RHPN2: variants seen among roughly 807,000 people sequenced by gnomAD.
RHPN2 encodes the protein rhophilin-2.
A neutral mutation model predicts 79.0 loss-of-function variants in RHPN2; 40 were observed. The ratio of observed to expected loss-of-function variants is 0.51; its 90% CI spans 0.39 to 0.66. RHPN2 has a LOEUF of 0.66. Ranked by LOEUF, RHPN2 falls within the 30% of genes least tolerant of loss-of-function variation. The pLI is 0.00. For synonymous variants in RHPN2, 285 were observed against 363.5 expected, an observed-to-expected ratio of 0.78 and a Z score of 2.46; for missense variants, 686 against 883.5, an observed-to-expected ratio of 0.78 and a Z score of 2.83.
In RHPN2 at chr19:32,999,691, C is replaced by A; in HGVS notation, c.1120G>T (p.Asp374Tyr). 2 of 1,612,578 alleles carry A rather than the reference C, an allele frequency of 1.2e-6. No homozygotes were observed. Among genetic ancestry groups the A allele is most frequent in the South Asian group, 2.2e-5 (2 of 90,934 alleles). ...AGGCACTTCTCCTGGTGGTCCAGATCCGTGCCTGGCTTCACTGCAAAGAGA... is the reference window on the plus strand; with the variant it reads ...AGGCACTTCTCCTGGTGGTCCAGATACGTGCCTGGCTTCACTGCAAAGAGA... ...LIDHQVKPGT[D>Y]LDHQEKCLSQ... The change falls in exon 10 of 15, where the codon GAT (aspartate) becomes TAT (tyrosine). Residue 374 changes from aspartate (D) to tyrosine (Y), a missense_variant. Physicochemically the swap from Asp to Tyr is radical, Grantham distance 160 (BLOSUM62 -3). Transcript: ENST00000254260.
intron 4 of RHPN2, among the ~76,000 whole-genome samples, chr19:33,020,598 C>T (rs879049792): frequency 1.3e-5 from 2 of 151,600 alleles, no homozygotes; most frequent in African/African-American, 4.8e-5. Flanking sequence ...CTTCCAGGTT[C>T]GAACGACTCA....
rs1463240739 is a variant in RHPN2, at chr19:32,991,647, TAA to T, written c.1644+174_1644+175del. On this transcript the variant is annotated intron_variant, in intron 13 of 14. Coordinates refer to ENST00000254260, the MANE Select transcript of RHPN2 (RefSeq NM_033103.5). ...CCACCTCCCAAAGTCTAAAAAAAAC[TAA>T]AAACATAAAACAAACAAAAGAAAGA... Among the ~76,000 whole-genome samples the T allele has an allele frequency of 2.0e-5, 3 of 151,642 alleles. No individual in the cohort carries two copies. The East Asian group carries it at 5.9e-4, about 30-fold the overall frequency.
At chr19:33,038,800 G>A (rs1434946108) in intron 2 of RHPN2, among the ~76,000 whole-genome samples, 1 of 152,178 alleles carries the variant, frequency 6.6e-6, no homozygotes, top group Non-Finnish European at 1.5e-5. Context: ...TGGGATTACA[G>A]ATGTGTGCCA....
chr19:33,026,450 G>T, intron 3 of RHPN2, 54 bp downstream of exon 3: 1 of 1,595,840 alleles, frequency 6.3e-7, no homozygotes, highest in Non-Finnish European at 8.5e-7. Context: ...CACCCTGGAT[G>T]TACGAAGGAT....
intron 7 of RHPN2, among the ~76,000 whole-genome samples, chr19:33,007,740 A>G (rs910667965): frequency 6.8e-6 from 1 of 146,352 alleles, no homozygotes; most frequent in Admixed American, 6.9e-5. Context: ...GGTCTGAACC[A>G]CCGAGCAAGT....
rs538856155 is a variant in RHPN2 at position 33,050,023 on chromosome 19, G to T, written c.70-5659C>A. Reference sequence around the variant, plus strand: ...CTCATAGCCCATGATGGCCTGGTGGGGGGCAGGGGTGTGTGTGTAAATCCA... The same window carrying T: ...CTCATAGCCCATGATGGCCTGGTGGTGGGCAGGGGTGTGTGTGTAAATCCA... On this transcript the variant is annotated intron_variant, in intron 1 of 14. Transcript: ENST00000254260. 2.6e-5 allele frequency among the ~76,000 whole-genome samples: 4 copies of T among 152,280 alleles called. No individual in the cohort carries two copies. In the South Asian group the frequency reaches 6.2e-4, roughly 24 times the overall value.
intron 1 of RHPN2, among the ~76,000 whole-genome samples, chr19:33,057,695 G>A (rs888755698): frequency 7.1e-6 from 1 of 141,780 alleles, no homozygotes; most frequent in South Asian, 2.2e-4. Context: ...AAAAAAGATA[G>A]AAAAAAAAAA....
chr19:33,047,344 TTGTC>T (rs1409623890), intron 1 of RHPN2, among the ~76,000 whole-genome samples: 7 of 152,250 alleles, frequency 4.6e-5, no homozygotes, highest in Non-Finnish European at 1.0e-4. Context: ...TTTCAACAAA[TTGTC>T]TGTGTTCTCT....
chr19:32,989,299 A>G (rs1971636515), intron 14 of RHPN2, among the ~76,000 whole-genome samples: 1 of 152,120 alleles, frequency 6.6e-6, no homozygotes, highest in African/African-American at 2.4e-5. Context: ...CAGTAGAGAC[A>G]GTGTTTGCCT....
intron 5 of RHPN2, among the ~76,000 whole-genome samples, 156 bp from the exon 6 acceptor site, chr19:33,011,959 A>G (rs566869921): frequency 6.6e-6 from 1 of 152,224 alleles, no homozygotes; most frequent in African/African-American, 2.4e-5. Flanking sequence ...AGGGGTGGAA[A>G]GAACCTGGGA....
At chr19:33,061,956 C>T (rs543501594) in intron 1 of RHPN2, among the ~76,000 whole-genome samples, 2 of 152,272 alleles carry the variant, frequency 1.3e-5, no homozygotes, top group East Asian at 3.9e-4. Flanking sequence ...GTATGAGCCA[C>T]CACACCCGAC....
At chr19:32,983,162 AAC>A (rs56696945) in intron 14 of RHPN2, among the ~76,000 whole-genome samples, 51,161 of 129,948 alleles carry the variant, frequency 0.39, 8,874 homozygotes, top group African/African-American at 0.41. Context: ...CACACACACA[AAC>A]ACACACACAC....
intron 14 of RHPN2, among the ~76,000 whole-genome samples, chr19:32,984,583 C>T (rs1198881304): frequency 6.6e-6 from 1 of 151,762 alleles, no homozygotes; most frequent in African/African-American, 2.4e-5. Flanking sequence ...CGCTTGAACC[C>T]GGGAGGTGAG....
chr19:33,064,550 T>G (rs1972310567), intron 1 of RHPN2, among the ~76,000 whole-genome samples: 2 of 151,826 alleles, frequency 1.3e-5, no homozygotes, highest in African/African-American at 4.8e-5. Flanking sequence ...AGCGGCCACA[T>G]GCGCCTCCCC....
intron 4 of RHPN2, among the ~76,000 whole-genome samples, chr19:33,019,031 C>CAAAAA (rs71301619): frequency 4.7e-5 from 5 of 105,350 alleles, no homozygotes; most frequent in African/African-American, 6.0e-5. Flanking sequence ...AACTCCAGCT[C>CAAAAA]AAAAAAAAAA....
chr19:33,029,383 G>A (rs915130560), intron 2 of RHPN2, among the ~76,000 whole-genome samples: 7 of 151,714 alleles, frequency 4.6e-5, no homozygotes, highest in South Asian at 2.1e-4. Flanking sequence ...AAAATTAGCT[G>A]GGCATGGTGG....
chr19:32,999,441 A>C (rs949006620), intron 10 of RHPN2, 145 bp downstream of exon 10: 2 of 985,178 alleles, frequency 2.0e-6, no homozygotes, highest in Non-Finnish European at 1.5e-6. Flanking sequence ...ACCGCGCCTC[A>C]TGACTTCTGA....
chr19:33,048,693 TC>T (rs1378482929), intron 1 of RHPN2, among the ~76,000 whole-genome samples: 13 of 121,312 alleles, frequency 1.1e-4, no homozygotes, highest in Non-Finnish European at 2.0e-4. Flanking sequence ...ACCACTGCAC[TC>T]CAGCCTGGGT....
chr19:32,996,032 C>G lies in RHPN2; in HGVS notation c.1414G>C (p.Val472Leu). ...CACAGTCTAGGCTACTCACCAACAA[C>G]ACTGGGGGCGTCGATCAGGTTCAGC... ...DLLNLIDAPS[V>L]VAKTEQEVDI... Residue 472 changes from valine to leucine, a missense_variant, in exon 11 of 15, where the codon GTT becomes CTT. Physicochemically the swap from Val to Leu is conservative, Grantham distance 32. Transcript: ENST00000254260. 6 of 1,614,020 alleles carry G rather than the reference C, an allele frequency of 3.7e-6. No individual in the cohort carries two copies. The highest frequency in any genetic ancestry group is 5.1e-6 in the Non-Finnish European group (6 of 1,179,882).
Sources: gnomAD v4.1 joint callset for allele counts (sites outside exome capture counted in the v4.1 genomes callset) on GRCh38, gnomAD v4.1.1 for gene constraint, MANE v1.5 for transcripts, NCBI Gene and HGNC (gene_info 2026-07-23, HGNC 2026-07-21) for gene names.